The following KAZN variants were observed in gnomAD, a reference collection of about 807,000 sequenced individuals.
KAZN encodes kazrin, periplakin interacting protein.
In KAZN, 40 loss-of-function variants were observed where a neutral mutation model predicts 87.4. The ratio of observed to expected loss-of-function variants is 0.46; its 90% CI spans 0.36 to 0.60. The LOEUF (loss-of-function observed/expected upper bound fraction) is 0.60. Ranked by LOEUF, KAZN falls within the 20% of genes least tolerant of loss-of-function variation. The probability of loss-of-function intolerance (pLI) is 0.00; values close to 1 mark genes in which losing one functional copy is unlikely to be tolerated. For synonymous variants in KAZN, 466 were observed against 458.3 expected, an observed-to-expected ratio of 1.02 and a Z score of -0.22; for missense variants, 898 against 1,073.9, an observed-to-expected ratio of 0.84 and a Z score of 2.29.
chr1:15,113,783 A>G (rs1333945769), intron 14 of KAZN: 1 of 152,176 alleles, frequency 6.6e-6, no homozygotes, highest in African/African-American at 2.4e-5. Flanking sequence ...CCTCCTGAGT[A>G]GCAGGGACTA....
At chr1:14,695,800 G>A (rs1271697539) in intron 1 of KAZN, among the ~76,000 whole-genome samples, 3 of 151,798 alleles carry the variant, frequency 2.0e-5, no homozygotes, top group Non-Finnish European at 2.9e-5. Context: ...CACCGTGCCC[G>A]GCCTCTCCAC....
intron 2 of KAZN, among the ~76,000 whole-genome samples, chr1:14,522,372 T>G (rs1671633561): frequency 1.3e-5 from 2 of 152,230 alleles, no homozygotes; most frequent in South Asian, 4.1e-4. Context: ...TGGTGACAGC[T>G]AGGCTTGCTT....
chr1:14,004,242 G>T (rs1183459245), intron 1 of KAZN, among the ~76,000 whole-genome samples: 1 of 152,060 alleles, frequency 6.6e-6, no homozygotes, highest in African/African-American at 2.4e-5. Context: ...GAAAAATGTG[G>T]CACAACCAAA....
At chr1:14,480,520 C>T (rs565410104) in intron 2 of KAZN, among the ~76,000 whole-genome samples, 89 of 148,886 alleles carry the variant, frequency 6.0e-4, no homozygotes, top group Non-Finnish European at 1.0e-3. Context: ...ACAAAATATT[C>T]TAGTGTATAT....
At chr1:14,218,549 G>A (rs897141268) in intron 2 of KAZN, among the ~76,000 whole-genome samples, 7 of 152,068 alleles carry the variant, frequency 4.6e-5, no homozygotes, top group African/African-American at 7.2e-5. Context: ...TATGTCAAAA[G>A]GACAAAGGAA....
chr1:14,156,740 C>T (rs750976240), intron 1 of KAZN, among the ~76,000 whole-genome samples: 1 of 152,096 alleles, frequency 6.6e-6, no homozygotes, highest in Non-Finnish European at 1.5e-5. Context: ...ATAGGTGAAG[C>T]ATGTATCTTG....
chr1:14,995,950 T>C (rs1259374668), intron 2 of KAZN, among the ~76,000 whole-genome samples: 11 of 152,158 alleles, frequency 7.2e-5, no homozygotes, highest in South Asian at 2.1e-4. Flanking sequence ...TTCCAACTTG[T>C]CCTGGAAAAT....
chr1:14,551,289 G>A (rs777191716), intron 2 of KAZN, among the ~76,000 whole-genome samples: 3 of 152,226 alleles, frequency 2.0e-5, no homozygotes, highest in East Asian at 1.9e-4. Flanking sequence ...AAAATTATTC[G>A]CCTTTCCTCT....
At chr1:14,475,892 G>A (rs530641977) in intron 2 of KAZN, among the ~76,000 whole-genome samples, 4 of 152,096 alleles carry the variant, frequency 2.6e-5, no homozygotes, top group Admixed American at 6.5e-5. Context: ...GAAAGCCTTC[G>A]GAAGGTTACT....
chr1:14,697,352 TAAAGAAAAGAA>T (rs1641674224), intron 1 of KAZN, among the ~76,000 whole-genome samples: 3 of 151,034 alleles, frequency 2.0e-5, no homozygotes, highest in African/African-American at 7.3e-5. Context: ...AAAATAAAAA[TAAAGAAAAGAA>T]AAAGAAAAGG....
intron 1 of KAZN, among the ~76,000 whole-genome samples, chr1:14,730,775 C>T (rs965495134): frequency 1.3e-5 from 2 of 152,190 alleles, no homozygotes; most frequent in African/African-American, 4.8e-5. Flanking sequence ...GATGCTTTCT[C>T]AGACCCTCAG....
intron 1 of KAZN, among the ~76,000 whole-genome samples, chr1:14,020,094 G>A (rs116227873): frequency 0.022 from 3,354 of 152,000 alleles, 116 homozygotes; most frequent in African/African-American, 0.076. Context: ...GGAGCATGCA[G>A]CATAGATTTC....
chr1:14,091,248 A>G (rs1415738772), intron 1 of KAZN, among the ~76,000 whole-genome samples: 1 of 152,026 alleles, frequency 6.6e-6, no homozygotes, highest in East Asian at 1.9e-4. Context: ...TTCTCCGCTC[A>G]GTGAGACCAC....
intron 1 of KAZN, among the ~76,000 whole-genome samples, chr1:14,885,282 C>T (rs771052984): frequency 7.9e-5 from 12 of 152,066 alleles, no homozygotes; most frequent in East Asian, 1.9e-4. Flanking sequence ...GCCACTCCTA[C>T]GTCCTTGCCT....
At chr1:14,160,750 A>G (rs1405014866) in intron 1 of KAZN, among the ~76,000 whole-genome samples, 1 of 152,150 alleles carries the variant, frequency 6.6e-6, no homozygotes, top group Non-Finnish European at 1.5e-5. Context: ...AAAGCCTCCC[A>G]TTTATTTTAT....
intron 1 of KAZN, among the ~76,000 whole-genome samples, chr1:14,150,304 G>A (rs1462705137): frequency 2.6e-5 from 4 of 152,118 alleles, no homozygotes; most frequent in Non-Finnish European, 5.9e-5. Context: ...CAACTATCTG[G>A]TAACTTTATA....
At chr1:14,566,368 T>C (rs1403691026) in intron 2 of KAZN, among the ~76,000 whole-genome samples, 1 of 152,222 alleles carries the variant, frequency 6.6e-6, no homozygotes, top group Non-Finnish European at 1.5e-5. Flanking sequence ...TATACAGATA[T>C]GCTGTCATTC....
intron 1 of KAZN, among the ~76,000 whole-genome samples, chr1:14,667,639 A>T (rs1639645663): frequency 6.6e-6 from 1 of 152,128 alleles, no homozygotes; most frequent in Admixed American, 6.5e-5. Context: ...GGTTGTAATT[A>T]TTCTGGAACA....
intron 1 of KAZN, among the ~76,000 whole-genome samples, chr1:14,693,562 C>A (rs945058075): frequency 6.6e-6 from 1 of 152,194 alleles, no homozygotes; most frequent in African/African-American, 2.4e-5. Context: ...CTAACCACTG[C>A]TGGTATAGAA....
Sources: gnomAD v4.1 joint callset for allele counts (sites outside exome capture counted in the v4.1 genomes callset) on GRCh38, gnomAD v4.1.1 for gene constraint, MANE v1.5 for transcripts, NCBI Gene and HGNC (gene_info 2026-07-23, HGNC 2026-07-21) for gene names.